ZFP36L2: variants seen among roughly 807,000 people sequenced by gnomAD.
ZFP36L2 encodes ZFP36 like 2 zinc finger CCCH-type.
A neutral mutation model predicts 27.9 loss-of-function variants in ZFP36L2; 16 were observed. The observed-to-expected ratio is 0.57, with a 90% CI of 0.39 to 0.87. The LOEUF (loss-of-function observed/expected upper bound fraction) is 0.87. Among genes scored for constraint, ZFP36L2 ranks in the 40% least tolerant of loss-of-function variants. ZFP36L2 has a pLI of 0.00. For missense variants in ZFP36L2, 989 were observed against 726.9 expected (o/e 1.36, Z -4.15); for synonymous variants, 600 against 363.8 (o/e 1.65, Z -7.39).
At position 43,224,802 on chromosome 2, in the gene ZFP36L2, C is replaced by G. The variant is rs966994006; in HGVS notation, c.1002G>C (p.Leu334=). 58 of 1,436,068 alleles carry G rather than the reference C, an allele frequency of 4.0e-5. No individual in the cohort carries two copies. The highest frequency in any genetic ancestry group is 5.1e-5 in the Non-Finnish European group (56 of 1,107,866). 89.0% of individuals were successfully genotyped at this position (1,436,068 alleles called of 1,614,324 possible). The change falls in exon 2 of 2, where the codon CTG becomes CTC. Residue 334 remains leucine (L), a synonymous_variant. Coordinates refer to ENST00000282388, the MANE Select transcript of ZFP36L2 (RefSeq NM_006887.5). ...SAAAAAAAAL[L]YGTGGAEDLL... The stretch of plus-strand genomic sequence containing the variant: ...GGTCCTCGGCGCCCCCGGTGCCGTA[C>G]AGCAGAGCGGCCGCAGCCGCGGCCG...
chr2:43,223,998 T>C lies in ZFP36L2; in HGVS notation c.*321A>G, dbSNP rs1667024582. ...TCCTAACAAAGTTTAAGTGTTTTTT[T>C]TTTTTTTTTGTTCTATTCGTATCAC... On this transcript the variant is annotated 3_prime_UTR_variant, in exon 2 of 2. Transcript: ENST00000282388. The C allele has an allele frequency of 8.4e-6, 2 of 238,158 alleles. No homozygotes were observed. The highest frequency in any genetic ancestry group is 1.2e-3 in the Middle Eastern group (1 of 824). The allele number at this position is 238,158 out of a possible 1,614,324, so 14.8% of individuals were successfully genotyped here. A position where few individuals can be genotyped will look rare whatever the true frequency, so the allele number is the denominator to read the frequency against.
At position 43,225,279 on chromosome 2, in the gene ZFP36L2, C is replaced by T. The variant is rs371767913; in HGVS notation, c.525G>A (p.Gln175=). 23 of 1,611,904 alleles carry T rather than the reference C, an allele frequency of 1.4e-5. No homozygotes were observed. In the Middle Eastern group the frequency reaches 4.9e-4, roughly 35 times the overall value. The change falls in exon 2 of 2, where the codon CAG becomes CAA. Residue 175 remains glutamine (Q), a synonymous_variant. Coordinates refer to ENST00000282388, the MANE Select transcript of ZFP36L2 (RefSeq NM_006887.5). ...SGTCKYGEKC[Q]FAHGFHELRS... is the part of the protein sequence containing the mutation. The stretch of plus-strand genomic sequence containing the variant: ...GCAGCTCGTGGAAGCCATGCGCGAA[C>T]TGGCACTTTTCGCCGTACTTGCACG...
chr2:43,225,174 C>G lies in ZFP36L2; in HGVS notation c.630G>C (p.Pro210=). The G allele has an allele frequency of 6.3e-7, 1 of 1,598,916 alleles. No homozygotes were observed. The highest frequency in any genetic ancestry group is 8.5e-7 in the Non-Finnish European group (1 of 1,179,538). The change falls in exon 2 of 2, where the codon CCG becomes CCC. Residue 210 remains proline, a synonymous_variant. Coordinates refer to ENST00000282388, the MANE Select transcript of ZFP36L2 (RefSeq NM_006887.5). ...FHTIGFCPYG[P]RCHFIHNADE... Reference sequence around the variant, plus strand: ...CCGCGTTGTGGATGAAGTGGCAGCGCGGCCCATAGGGGCAGAAGCCGATGG... The same window carrying G: ...CCGCGTTGTGGATGAAGTGGCAGCGGGGCCCATAGGGGCAGAAGCCGATGG...
rs1283719597 is a variant in ZFP36L2 at position 43,224,688 on chromosome 2, G to A, written c.1116C>T (p.Leu372=). Residue 372 remains leucine, a synonymous_variant, in exon 2 of 2, where the codon CTC becomes CTT. Coordinates refer to ENST00000282388, the MANE Select transcript of ZFP36L2 (RefSeq NM_006887.5). Reference sequence around the variant, plus strand: ...GGGTCTGGATGGCGAGCGGCGTGATGAGGCTGCTGAGCTCCGGACCGAAGG... The same window carrying A: ...GGGTCTGGATGGCGAGCGGCGTGATAAGGCTGCTGAGCTCCGGACCGAAGG... ...AFAFGPELSS[L]ITPLAIQTHN... The A allele has an allele frequency of 4.5e-6, 7 of 1,540,516 alleles. No homozygotes were observed. Among genetic ancestry groups the A allele is most frequent in the Non-Finnish European group, 6.1e-6 (7 of 1,148,894 alleles).
In ZFP36L2 at chr2:43,225,699, C is replaced by A. The variant is rs750677043; in HGVS notation, c.105G>T (p.Ala35=). 2 of 1,595,956 alleles carry A rather than the reference C, an allele frequency of 1.3e-6. No homozygotes were observed. The highest frequency in any genetic ancestry group is 1.1e-5 in the South Asian group (1 of 90,870). Reference sequence around the variant, plus strand: ...GGGCGGCGGCCACAGGCGTCCCCACCGCCTTCTTGTCCAGCATGTTGTTCA... The same window carrying A: ...GGGCGGCGGCCACAGGCGTCCCCACAGCCTTCTTGTCCAGCATGTTGTTCA... ...LNLNNMLDKK[A]VGTPVAAAPS... is the part of the protein sequence containing the mutation. The change falls in exon 2 of 2, where the codon GCG becomes GCT. Residue 35 remains alanine (A), a synonymous_variant. Transcript: ENST00000282388.
At position 43,226,415 on chromosome 2, in the gene ZFP36L2, G is replaced by A; in HGVS notation, c.-100C>T. 2 of 1,450,184 alleles carry A rather than the reference G, an allele frequency of 1.4e-6. No individual in the cohort carries two copies. The highest frequency in any genetic ancestry group is 1.9e-6 in the Non-Finnish European group (2 of 1,059,968). The allele number at this position is 1,450,184 out of a possible 1,614,324, so 89.8% of individuals were successfully genotyped here. On this transcript the variant is annotated 5_prime_UTR_variant, in exon 1 of 2. Coordinates refer to ENST00000282388, the MANE Select transcript of ZFP36L2 (RefSeq NM_006887.5). ...TTGAGCCACGACGAATAACGGGCGA[G>A]GGGCGGGGAGGGGCCGAAAGTTTGC...
At position 43,226,537 on chromosome 2, in the gene ZFP36L2, C is replaced by T. The variant is rs998311807; in HGVS notation, c.-222G>A. 1.7e-5 allele frequency: 9 copies of T among 541,660 alleles called. No homozygotes were observed. In the East Asian group the frequency reaches 2.8e-4, roughly 17 times the overall value. 33.6% of individuals were successfully genotyped at this position (541,660 alleles called of 1,614,324 possible). Reference sequence around the variant, plus strand: ...GGAAGGAGAGAAGCGAGGAGCGCTCCTCCGCGCCCCGGGGTGCCCGGCCCG... The same window carrying T: ...GGAAGGAGAGAAGCGAGGAGCGCTCTTCCGCGCCCCGGGGTGCCCGGCCCG... On this transcript the variant is annotated 5_prime_UTR_variant, in exon 1 of 2. Coordinates refer to ENST00000282388, the MANE Select transcript of ZFP36L2 (RefSeq NM_006887.5).
intron 1 of ZFP36L2, among the ~76,000 whole-genome samples, 182 bp from the exon 2 acceptor site, chr2:43,225,934 G>A (rs1254491071): frequency 1.3e-5 from 2 of 152,134 alleles, no homozygotes; most frequent in African/African-American, 4.8e-5. Context: ...CTTGCTGGAC[G>A]GAGCGGGAGA....
At position 43,225,429 on chromosome 2, in the gene ZFP36L2, G is replaced by A; in HGVS notation, c.375C>T (p.Ser125=). Residue 125 remains serine, a synonymous_variant, in exon 2 of 2, where the codon AGC becomes AGT. Transcript: ENST00000282388. ...GGTGCTGGCTGCGATCGCCGTTCTCGCTAAACGAGCGGTCCCGGAATTTGT... is the reference window on the plus strand; with the variant it reads ...GGTGCTGGCTGCGATCGCCGTTCTCACTAAACGAGCGGTCCCGGAATTTGT... The part of the protein sequence containing the change: ...KENKFRDRSF[S]ENGDRSQHLL... 4 of 1,613,132 alleles carry A rather than the reference G, an allele frequency of 2.5e-6. No homozygotes were observed. Among genetic ancestry groups the A allele is most frequent in the Non-Finnish European group, 3.4e-6 (4 of 1,179,748 alleles).
rs552096322 is a variant in ZFP36L2, at chr2:43,223,218, A to G, written c.*1101T>C. 6.6e-6 allele frequency: 1 copy of G among 152,282 alleles called. No homozygotes were observed. The highest frequency in any genetic ancestry group is 2.4e-5 in the African/African-American group (1 of 41,460). The allele number at this position is 152,282 out of a possible 1,614,324, so 9.4% of individuals were successfully genotyped here. ...TTTACGTAAACAAGGAAAGAAATTA[A>G]TGAAATAAATATTACATACAATCTC... is the stretch of plus-strand genomic sequence containing the variant. On this transcript the variant is annotated 3_prime_UTR_variant, in exon 2 of 2. Transcript: ENST00000282388.
At position 43,225,349 on chromosome 2, in the gene ZFP36L2, G is replaced by A. The variant is rs750998323; in HGVS notation, c.455C>T (p.Thr152Met). The A allele has an allele frequency of 1.2e-6, 2 of 1,613,448 alleles. No individual in the cohort carries two copies. The highest frequency in any genetic ancestry group is 2.2e-5 in the South Asian group (2 of 91,086). ...KGGGGSQINS[T>M]RYKTELCRPF... ...CCGGCACAGCTCGGTCTTGTAGCGC[G>A]TGGAGTTGATCTGGGAGCCGCCGCC... Residue 152 changes from threonine (T) to methionine (M), a missense_variant, in exon 2 of 2, where the codon ACG becomes ATG. By Grantham distance (81) the Thr-to-Met change is moderately conservative (BLOSUM62 -1). Transcript: ENST00000282388.
chr2:43,223,685 C>T lies in ZFP36L2; in HGVS notation c.*634G>A, dbSNP rs997098787. On this transcript the variant is annotated 3_prime_UTR_variant, in exon 2 of 2. Coordinates refer to ENST00000282388, the MANE Select transcript of ZFP36L2 (RefSeq NM_006887.5). ...TGGAATGCAAGGGTTTTTTCACCCC[C>T]AGACATATATAATTCTGTTAAAAAA... The T allele has an allele frequency of 6.6e-6, 1 of 152,034 alleles. No individual in the cohort carries two copies. Among genetic ancestry groups the T allele is most frequent in the Admixed American group, 6.6e-5 (1 of 15,158 alleles). The allele number at this position is 152,034 out of a possible 1,614,324, so 9.4% of individuals were successfully genotyped here.
rs1418233896 is a variant in ZFP36L2 at position 43,226,506 on chromosome 2, C to T, written c.-191G>A. The stretch of plus-strand genomic sequence containing the variant: ...GGCGGGAGGGTCCGGCGGAGTGCGG[C>T]AGGGGGGAAGGAGAGAAGCGAGGAG... On this transcript the variant is annotated 5_prime_UTR_variant, in exon 1 of 2. Transcript: ENST00000282388. 2 of 663,280 alleles carry T rather than the reference C, an allele frequency of 3.0e-6. No homozygotes were observed. The highest frequency in any genetic ancestry group is 3.0e-5 in the Admixed American group (1 of 33,430). The allele number at this position is 663,280 out of a possible 1,614,324, so 41.1% of individuals were successfully genotyped here. A position where few individuals can be genotyped will look rare whatever the true frequency, so the allele number is the denominator to read the frequency against.
At position 43,224,696 on chromosome 2, in the gene ZFP36L2, T is replaced by C. The variant is rs757654465; in HGVS notation, c.1108A>G (p.Ser370Gly). The C allele has an allele frequency of 1.6e-5, 25 of 1,539,726 alleles. No individual in the cohort carries two copies. In the Admixed American group the frequency reaches 4.7e-4, roughly 29 times the overall value. Residue 370 changes from serine to glycine, a missense_variant, in exon 2 of 2, where the codon AGC (serine) becomes GGC (glycine). Coordinates refer to ENST00000282388, the MANE Select transcript of ZFP36L2 (RefSeq NM_006887.5). ...NNAFAFGPEL[S>G]SLITPLAIQT... The stretch of plus-strand genomic sequence containing the variant: ...ATGGCGAGCGGCGTGATGAGGCTGC[T>C]GAGCTCCGGACCGAAGGCGAAGGCG...
Position 43,225,444 on chromosome 2 carries a change from C to T in ZFP36L2, c.360G>A (p.Arg120=), listed in dbSNP as rs1415054550. The change falls in exon 2 of 2, where the codon CGG becomes CGA. Residue 120 remains arginine (R), a synonymous_variant. Transcript: ENST00000282388. ...TALLNKENKF[R]DRSFSENGDR... ...CGCCGTTCTCGCTAAACGAGCGGTC[C>T]CGGAATTTGTTCTCCTTGTTGAGCA... The T allele has an allele frequency of 1.2e-6, 2 of 1,612,572 alleles. No individual in the cohort carries two copies. Among genetic ancestry groups the T allele is most frequent in the Non-Finnish European group, 1.7e-6 (2 of 1,179,268 alleles).
Position 43,226,580 on chromosome 2 carries a change from A to C in ZFP36L2, c.-265T>G. 4.1e-6 allele frequency: 2 copies of C among 484,304 alleles called. No homozygotes were observed. The highest frequency in any genetic ancestry group is 4.0e-5 in the East Asian group (1 of 25,102). 30.0% of individuals were successfully genotyped at this position (484,304 alleles called of 1,614,324 possible). ...CCGGCCCGCCCCCCCCGCGGAGCCG[A>C]CGGCAGCTCGCGGACTGCTGGAACT... is the stretch of plus-strand genomic sequence containing the variant. On this transcript the variant is annotated 5_prime_UTR_variant, in exon 1 of 2. Coordinates refer to ENST00000282388, the MANE Select transcript of ZFP36L2 (RefSeq NM_006887.5).
chr2:43,225,099 G>A lies in ZFP36L2; in HGVS notation c.705C>T (p.Ala235=), dbSNP rs1667060146. The change falls in exon 2 of 2, where the codon GCC becomes GCT. Residue 235 remains alanine (A), a synonymous_variant. Coordinates refer to ENST00000282388, the MANE Select transcript of ZFP36L2 (RefSeq NM_006887.5). ...GGTGCAACGCATCGCGCGTGCCAAA[G>A]GCACGCAGGTCCCCGGAGGCGCCCC... is the stretch of plus-strand genomic sequence containing the variant. ...PSGGASGDLR[A]FGTRDALHLG... 1.3e-6 allele frequency: 2 copies of A among 1,593,354 alleles called. No homozygotes were observed. Among genetic ancestry groups the A allele is most frequent in the Admixed American group, 1.7e-5 (1 of 59,300 alleles).
Position 43,224,337 on chromosome 2 carries a change from G to C in ZFP36L2, c.1467C>G (p.Leu489=), listed in dbSNP as rs769108748. The C allele has an allele frequency of 3.8e-6, 6 of 1,577,910 alleles. No individual in the cohort carries two copies. The South Asian group carries it at 4.5e-5, about 12-fold the overall frequency. The change falls in exon 2 of 2, where the codon CTC becomes CTG. Residue 489 remains leucine, a synonymous_variant. Transcript: ENST00000282388. ...PGRRLPIFSR[L]SISDD is the part of the protein sequence containing the mutation. ...TCTTGCCTCAGTCGTCGGAGATGGA[G>C]AGGCGGCTGAAGATTGGCAGGCGGC... is the stretch of plus-strand genomic sequence containing the variant.
chr2:43,226,567 C>G lies in ZFP36L2; in HGVS notation c.-252G>C, dbSNP rs1298967430. 9 of 500,986 alleles carry G rather than the reference C, an allele frequency of 1.8e-5. No homozygotes were observed. In the Middle Eastern group the frequency reaches 1.5e-3, roughly 85 times the overall value. The allele number at this position is 500,986 out of a possible 1,614,324, so 31.0% of individuals were successfully genotyped here. A position where few individuals can be genotyped will look rare whatever the true frequency, so the allele number is the denominator to read the frequency against. ...CGCCCCGGGGTGCCCGGCCCGCCCC[C>G]CCCGCGGAGCCGACGGCAGCTCGCG... On this transcript the variant is annotated 5_prime_UTR_variant, in exon 1 of 2. Coordinates refer to ENST00000282388, the MANE Select transcript of ZFP36L2 (RefSeq NM_006887.5).
Sources: allele counts gnomAD v4.1 joint callset (sites outside exome capture counted in the v4.1 genomes callset), GRCh38; gene constraint gnomAD v4.1.1; transcripts MANE v1.5; gene names NCBI Gene and HGNC (gene_info 2026-07-23, HGNC 2026-07-21).